Variants in TWF2 observed in about 807,000 individuals in gnomAD.
TWF2 encodes twinfilin actin binding protein 2, also known as twinfilin-2.
In TWF2, 15 loss-of-function variants were observed where a neutral mutation model predicts 45.1. The observed-to-expected ratio is 0.33, with a 90% CI of 0.22 to 0.51. The LOEUF is 0.51. Among genes scored for constraint, TWF2 ranks in the 20% least tolerant of loss-of-function variants. The pLI is 0.97. For synonymous variants in TWF2, 177 were observed against 195.8 expected (o/e 0.90, Z 0.80); for missense variants, 423 against 469.1 (o/e 0.90, Z 0.91).
chr3:52,228,660 CCAAA>C lies in TWF2; in HGVS notation c.*370_*373del. 1 of 236,914 alleles carries C rather than the reference CCAAA, an allele frequency of 4.2e-6. No individual in the cohort carries two copies. Among genetic ancestry groups the C allele is most frequent in the Non-Finnish European group, 8.2e-6 (1 of 121,946 alleles). The allele number at this position is 236,914 out of a possible 1,614,324, so 14.7% of individuals were successfully genotyped here. ...TTAGAAAATACAGCATTCAACCATCCCAAACTGCAGTGACCCCTGCCCCAGCCCT... is the reference window on the plus strand; with the variant it reads ...TTAGAAAATACAGCATTCAACCATCCCTGCAGTGACCCCTGCCCCAGCCCT... On this transcript the variant is annotated 3_prime_UTR_variant, in exon 9 of 9. Coordinates refer to ENST00000305533, the MANE Select transcript of TWF2 (RefSeq NM_007284.4).
chr3:52,231,865 T>C (rs1699682127), intron 3 of TWF2, 79 bp downstream of exon 3: 1 of 1,551,356 alleles, frequency 6.4e-7, no homozygotes, highest in Non-Finnish European at 8.7e-7. Flanking sequence ...GTGTCCCCTC[T>C]TGGATCCCCC....
chr3:52,237,352 G>A (rs1158105864), intron 1 of TWF2, among the ~76,000 whole-genome samples: 2 of 152,044 alleles, frequency 1.3e-5, no homozygotes, highest in Non-Finnish European at 2.9e-5. Context: ...TCCCTTTCCT[G>A]CCTACTCTGC....
At position 52,239,105 on chromosome 3, in the gene TWF2, T is replaced by G; in HGVS notation, c.-89A>C. ...TCGCTGGACCAAGAGAGGTGGAGGA[T>G]GTGGCGGAGGCTGTCGACCCTCGCG... On this transcript the variant is annotated 5_prime_UTR_variant, in exon 1 of 9. Coordinates refer to ENST00000305533, the MANE Select transcript of TWF2 (RefSeq NM_007284.4). 6.7e-7 allele frequency: 1 copy of G among 1,487,574 alleles called. No individual in the cohort carries two copies. 92.1% of individuals were successfully genotyped at this position (1,487,574 alleles called of 1,614,324 possible).
chr3:52,237,067 A>G (rs1414876431), intron 1 of TWF2, among the ~76,000 whole-genome samples: 1 of 152,194 alleles, frequency 6.6e-6, no homozygotes, highest in Non-Finnish European at 1.5e-5. Flanking sequence ...AATAACAGCA[A>G]GCTGACTGTG....
intron 2 of TWF2, among the ~76,000 whole-genome samples, chr3:52,234,732 C>A (rs1699709048): frequency 6.6e-6 from 1 of 152,212 alleles, no homozygotes; most frequent in South Asian, 2.1e-4. Context: ...AGCTCGGCAT[C>A]CTGGCCAGGC....
chr3:52,234,413 C>G (rs1340132844), intron 2 of TWF2, among the ~76,000 whole-genome samples: 5 of 152,210 alleles, frequency 3.3e-5, no homozygotes, highest in African/African-American at 1.2e-4. Context: ...TCCCCAAACC[C>G]TCCCCACTTC....
intron 8 of TWF2, 82 bp downstream of exon 8, chr3:52,229,579 C>T (rs897977815): frequency 4.9e-5 from 76 of 1,564,248 alleles, no homozygotes; most frequent in African/African-American, 6.8e-5. Context: ...CCTGCTCTGC[C>T]GTCATCTCAG....
Position 52,229,151 on chromosome 3 carries a change from C to T in TWF2, c.933G>A (p.Glu311=), listed in dbSNP as rs1699653180. 1 of 1,613,368 alleles carries T rather than the reference C, an allele frequency of 6.2e-7. No individual in the cohort carries two copies. The highest frequency in any genetic ancestry group is 1.7e-4 in the Middle Eastern group (1 of 5,870). The change falls in exon 9 of 9, where the codon GAG becomes GAA. Residue 311 remains glutamate (E), a synonymous_variant. Transcript: ENST00000305533. The part of the protein sequence containing the change: ...AELTAEFLYD[E]VHPKQHAFKQ... Reference sequence around the variant, plus strand: ...TGAAGGCGTGTTGCTTGGGGTGCACCTCGTCGTAGAGGAACTCTGCCGTCA... The same window carrying T: ...TGAAGGCGTGTTGCTTGGGGTGCACTTCGTCGTAGAGGAACTCTGCCGTCA...
intron 1 of TWF2, 103 bp from the exon 2 acceptor site, chr3:52,235,209 C>T: frequency 8.3e-7 from 1 of 1,201,484 alleles, no homozygotes; most frequent in Non-Finnish European, 1.2e-6. Flanking sequence ...AGCTGGGAAC[C>T]AGGTTAAATA....
chr3:52,235,112 A>C lies in TWF2; in HGVS notation c.26-6T>G. 3 of 1,613,858 alleles carry C rather than the reference A, an allele frequency of 1.9e-6. No individual in the cohort carries two copies. In the African/African-American group the frequency reaches 4.0e-5, roughly 22 times the overall value. On this transcript the variant is annotated splice_region_variant and splice_polypyrimidine_tract_variant and intron_variant, in intron 1 of 8. Transcript: ENST00000305533. ...TTCCTTCAGCTCTTCCGTGGCTATA[A>C]GAACAAGAAACATGGTGGGGGATGA...
chr3:52,232,585 T>C (rs1354123119), intron 2 of TWF2, among the ~76,000 whole-genome samples: 1 of 152,014 alleles, frequency 6.6e-6, no homozygotes, highest in African/African-American at 2.4e-5. Flanking sequence ...ACAAATGTGC[T>C]GAGGGGCAGG....
intron 3 of TWF2, 115 bp from the exon 4 acceptor site, chr3:52,231,654 G>C: frequency 8.2e-7 from 1 of 1,213,780 alleles, no homozygotes; most frequent in East Asian, 2.4e-5. Context: ...ACCTGGCAGA[G>C]GGCCAGCCCG....
chr3:52,233,697 G>A (rs1351537690), intron 2 of TWF2, among the ~76,000 whole-genome samples: 1 of 152,156 alleles, frequency 6.6e-6, no homozygotes, highest in Non-Finnish European at 1.5e-5. Context: ...GGGAGGCCGA[G>A]GTGGGCGGAT....
At position 52,229,999 on chromosome 3, in the gene TWF2, G is replaced by A. The variant is rs1259603176; in HGVS notation, c.681C>T (p.Ser227=). The A allele has an allele frequency of 6.2e-7, 1 of 1,612,344 alleles. No homozygotes were observed. The highest frequency in any genetic ancestry group is 1.3e-5 in the African/African-American group (1 of 74,954). ...TEPTDVAQLP[S]RVPRDAARYH... is the part of the protein sequence containing the mutation. ...AGCGGGCAGCATCTCGGGGCACCCGGGAGGGCAGCTGGGCCACATCCGTGG... is the reference window on the plus strand; with the variant it reads ...AGCGGGCAGCATCTCGGGGCACCCGAGAGGGCAGCTGGGCCACATCCGTGG... Residue 227 remains serine, a synonymous_variant, in exon 7 of 9, where the codon TCC becomes TCT. Transcript: ENST00000305533.
intron 3 of TWF2, 72 bp downstream of exon 3, chr3:52,231,872 C>T: frequency 6.4e-7 from 1 of 1,564,066 alleles, no homozygotes; most frequent in Non-Finnish European, 8.7e-7. Flanking sequence ...CTCTTGGATC[C>T]CCCAGGGCAA....
intron 1 of TWF2, among the ~76,000 whole-genome samples, chr3:52,236,597 T>C (rs1052937289): frequency 6.6e-6 from 1 of 152,126 alleles, no homozygotes; most frequent in Non-Finnish European, 1.5e-5. Context: ...AGAATATTTA[T>C]AGGGCCAGGA....
chr3:52,230,780 G>A (rs565993823), intron 6 of TWF2, 90 bp downstream of exon 6: 1 of 1,503,958 alleles, frequency 6.6e-7, no homozygotes, highest in South Asian at 1.3e-5. Flanking sequence ...GCAGGCTGGT[G>A]GAGTGGGGAC....
At chr3:52,232,293 G>A in intron 2 of TWF2, 171 bp from the exon 3 acceptor site, 1 of 860,602 alleles carries the variant, frequency 1.2e-6, no homozygotes, top group Non-Finnish European at 1.7e-6. Flanking sequence ...GAATGAGTGA[G>A]CAAGGGAAGG....
chr3:52,228,908 C>T lies in TWF2; in HGVS notation c.*126G>A, dbSNP rs982354285. The stretch of plus-strand genomic sequence containing the variant: ...CGGTGGCCCTCGGACGCTGCAAGTG[C>T]GTTCAGCTGCCAGCCCTCCTGACCT... On this transcript the variant is annotated 3_prime_UTR_variant, in exon 9 of 9. Transcript: ENST00000305533. 2.5e-5 allele frequency: 35 copies of T among 1,415,120 alleles called. No individual in the cohort carries two copies. Among genetic ancestry groups the T allele is most frequent in the East Asian group, 4.8e-5 (2 of 41,508 alleles). The allele number at this position is 1,415,120 out of a possible 1,614,324, so 87.7% of individuals were successfully genotyped here.
Sources: gnomAD v4.1 joint callset for allele counts (sites outside exome capture counted in the v4.1 genomes callset) on GRCh38, gnomAD v4.1.1 for gene constraint, MANE v1.5 for transcripts, NCBI Gene and HGNC (gene_info 2026-07-23, HGNC 2026-07-21) for gene names.